The following SETD5 variants were observed in gnomAD, a reference collection of about 807,000 sequenced individuals.
SETD5 encodes SET domain containing 5.
Under a neutral mutation model 153.3 loss-of-function variants are expected in SETD5, and 44 were observed. That is an observed-to-expected ratio of 0.29 (90% confidence interval 0.23 to 0.37). SETD5 has a LOEUF of 0.37. SETD5 is among the 10% of genes least tolerant of loss of function. The pLI is 1.00. For synonymous variants in SETD5, 716 were observed against 645.2 expected, an observed-to-expected ratio of 1.11 and a Z score of -1.66; for missense variants, 1,544 against 1,768.0, an observed-to-expected ratio of 0.87 and a Z score of 2.27.
intron 16 of SETD5, among the ~76,000 whole-genome samples, chr3:9,453,465 G>T (rs1184095715): frequency 6.6e-6 from 1 of 152,098 alleles, no homozygotes; most frequent in Non-Finnish European, 1.5e-5. Context: ...ATCCCAAATG[G>T]TATGAAAAGT....
At chr3:9,449,632 T>A (rs1055257168) in intron 16 of SETD5, 2 of 152,150 alleles carry the variant, frequency 1.3e-5, no homozygotes, top group African/African-American at 4.8e-5. Context: ...AAAGCTTTTC[T>A]CTTTCCCCAA....
intron 1 of SETD5, chr3:9,423,363 C>G (rs766501734): frequency 7.2e-5 from 11 of 152,190 alleles, no homozygotes; most frequent in Non-Finnish European, 1.5e-4. Flanking sequence ...CTGGAAGATA[C>G]AGGCTGTGTC....
chr3:9,419,439 G>A (rs954962061), intron 1 of SETD5, among the ~76,000 whole-genome samples: 3 of 152,116 alleles, frequency 2.0e-5, no homozygotes, highest in African/African-American at 7.2e-5. Flanking sequence ...GGCAGTATGC[G>A]TCTGTGGTCC....
intron 3 of SETD5, chr3:9,431,790 C>T: frequency 1.1e-6 from 1 of 919,476 alleles, no homozygotes; most frequent in African/African-American, 1.8e-5. Context: ...TCTCCATGGC[C>T]ATCTTTGATT....
intron 1 of SETD5, among the ~76,000 whole-genome samples, chr3:9,401,359 T>A (rs1272678585): frequency 6.6e-6 from 1 of 152,366 alleles, no homozygotes; most frequent in East Asian, 1.9e-4. Flanking sequence ...GCTTTTACAC[T>A]CGAATTTCCT....
chr3:9,440,061 G>A (rs1380381146), intron 7 of SETD5, among the ~76,000 whole-genome samples: 1 of 152,202 alleles, frequency 6.6e-6, no homozygotes, highest in Non-Finnish European at 1.5e-5. Context: ...AAAAATTTAA[G>A]CAGTGATAAA....
intron 13 of SETD5, 37 bp from the exon 14 acceptor site, chr3:9,447,013 T>A: frequency 6.5e-7 from 1 of 1,530,302 alleles, no homozygotes; most frequent in Non-Finnish European, 8.8e-7. Flanking sequence ...CGTCCTCATT[T>A]GAAGCTTCCT....
At chr3:9,431,610 G>A (rs974845179) in intron 3 of SETD5, 1 of 985,442 alleles carries the variant, frequency 1.0e-6, no homozygotes, top group Non-Finnish European at 1.2e-6. Context: ...TATTTGGCAT[G>A]CACAGCAATA....
intron 6 of SETD5, among the ~76,000 whole-genome samples, chr3:9,435,092 A>G (rs1477050011): frequency 1.3e-5 from 2 of 152,050 alleles, no homozygotes; most frequent in Non-Finnish European, 2.9e-5. Context: ...TGAAAATCCA[A>G]AATAGCCAGG....
chr3:9,464,540 G>C lies in SETD5; in HGVS notation c.2592G>C (p.Lys864Asn). 5 of 1,613,928 alleles carry C rather than the reference G, an allele frequency of 3.1e-6. No homozygotes were observed. Among genetic ancestry groups the C allele is most frequent in the Non-Finnish European group, 4.2e-6 (5 of 1,179,870 alleles). Residue 864 changes from lysine (K) to asparagine (N), a missense_variant, in exon 18 of 23, where the codon AAG (lysine) becomes AAC (asparagine). By Grantham distance (94) the Lys-to-Asn change is moderately conservative. Coordinates refer to ENST00000402198, the MANE Select transcript of SETD5 (RefSeq NM_001080517.3). ...VTPPPPNSGS[K>N]SPQLATPGSS... ...CACCCCCTCCCAATTCAGGCTCAAAGAGTCCCCAGCTGGCCACACCTGGCT... is the reference window on the plus strand; with the variant it reads ...CACCCCCTCCCAATTCAGGCTCAAACAGTCCCCAGCTGGCCACACCTGGCT...
rs1368899450 is a variant in SETD5, at chr3:9,431,428, C to T, written c.72-2417C>T. ...GGTTGGCTGCTAAAGAGATGTAATT[C>T]CATTATTCCAAACTTTTAATTCATA... On this transcript the variant is annotated intron_variant, in intron 3 of 22. Transcript: ENST00000402198. 3.1e-6 allele frequency: 3 copies of T among 964,156 alleles called. No individual in the cohort carries two copies. In the African/African-American group the frequency reaches 5.3e-5, roughly 17 times the overall value. The allele number at this position is 964,156 out of a possible 1,614,324, so 59.7% of individuals were successfully genotyped here.
At chr3:9,412,592 A>G (rs928465626) in intron 1 of SETD5, among the ~76,000 whole-genome samples, 4 of 151,556 alleles carry the variant, frequency 2.6e-5, no homozygotes, top group African/African-American at 9.7e-5. Flanking sequence ...TATCTTGTAC[A>G]GGTGGGGGTC....
Position 9,470,455 on chromosome 3 carries a change from T to A in SETD5, c.2725-4T>A, listed in dbSNP as rs1057521871. 1 of 1,605,816 alleles carries A rather than the reference T, an allele frequency of 6.2e-7. No individual in the cohort carries two copies. The highest frequency in any genetic ancestry group is 8.5e-7 in the Non-Finnish European group (1 of 1,174,158). ...CATGTCTCCGTTGATTTTTATTCTT[T>A]CAGCTTTGTCACCGAAAAGACCTGG... On this transcript the variant is annotated splice_region_variant and splice_polypyrimidine_tract_variant and intron_variant, in intron 18 of 22. Coordinates refer to ENST00000402198, the MANE Select transcript of SETD5 (RefSeq NM_001080517.3).
At chr3:9,447,514 T>C (rs750833281) in intron 14 of SETD5, among the ~76,000 whole-genome samples, 172 bp from the exon 15 acceptor site, 3 of 143,862 alleles carry the variant, frequency 2.1e-5, no homozygotes, top group East Asian at 1.9e-4. Flanking sequence ...CTAGCCTCTT[T>C]AGCTCATTTA....
At chr3:9,420,210 T>G (rs543637626) in intron 1 of SETD5, among the ~76,000 whole-genome samples, 2 of 152,270 alleles carry the variant, frequency 1.3e-5, no homozygotes, top group African/African-American at 4.8e-5. Flanking sequence ...TTCTTCAGTG[T>G]TAAAATAATT....
At chr3:9,406,567 C>CA (rs2035713566) in intron 1 of SETD5, among the ~76,000 whole-genome samples, 1 of 146,760 alleles carries the variant, frequency 6.8e-6, no homozygotes, top group African/African-American at 2.6e-5. Flanking sequence ...GAGATCCCGC[C>CA]ACTGCACTCC....
chr3:9,457,230 T>G (rs555303871), intron 17 of SETD5, among the ~76,000 whole-genome samples: 4 of 152,272 alleles, frequency 2.6e-5, no homozygotes, highest in Admixed American at 1.3e-4. Flanking sequence ...GGCTCACGCC[T>G]GTAATCCCAG....
intron 16 of SETD5, among the ~76,000 whole-genome samples, chr3:9,451,944 A>C (rs1447721262): frequency 6.6e-6 from 1 of 152,250 alleles, no homozygotes; most frequent in African/African-American, 2.4e-5. Context: ...GAGTAGGTGC[A>C]TCTAAAATTA....
chr3:9,444,046 G>C (rs2041636810), intron 11 of SETD5, among the ~76,000 whole-genome samples: 1 of 152,112 alleles, frequency 6.6e-6, no homozygotes, highest in Non-Finnish European at 1.5e-5. Context: ...TGGCAACAGA[G>C]GGAGACTCTG....
Sources: gnomAD v4.1 joint callset for allele counts (sites outside exome capture counted in the v4.1 genomes callset) on GRCh38, gnomAD v4.1.1 for gene constraint, MANE v1.5 for transcripts, NCBI Gene and HGNC (gene_info 2026-07-23, HGNC 2026-07-21) for gene names.